The following LTA4H variants were observed in gnomAD, a reference collection of about 807,000 sequenced individuals.
LTA4H encodes the protein leukotriene A4 hydrolase.
Under a neutral mutation model 89.8 loss-of-function variants are expected in LTA4H, and 59 were observed. That is an observed-to-expected ratio of 0.66 (90% confidence interval 0.53 to 0.82). The LOEUF is 0.82. Among genes scored for constraint, LTA4H ranks in the 40% least tolerant of loss-of-function variants. LTA4H has a pLI of 0.00. For synonymous variants in LTA4H, 227 were observed against 253.1 expected (o/e 0.90, Z 0.98); for missense variants, 617 against 727.0 (o/e 0.85, Z 1.74).
chr12:96,002,532 T>C (rs553002646), intron 18 of LTA4H, among the ~76,000 whole-genome samples: 28 of 152,338 alleles, frequency 1.8e-4, no homozygotes, highest in African/African-American at 6.3e-4. Context: ...TAAGCATTCC[T>C]TTATTATGTC....
At chr12:96,015,938 G>C (rs1321876912) in intron 10 of LTA4H, among the ~76,000 whole-genome samples, 1 of 152,174 alleles carries the variant, frequency 6.6e-6, no homozygotes, top group African/African-American at 2.4e-5. Context: ...TTAAAAGTGG[G>C]AGTATATCAG....
chr12:96,037,491 T>C (rs1435049512), upstream of LTA4H, among the ~76,000 whole-genome samples: 1 of 152,154 alleles, frequency 6.6e-6, no homozygotes, highest in East Asian at 1.9e-4. Flanking sequence ...GAAAATTCTC[T>C]AGATTTGGCA....
At chr12:96,014,382 AAAAC>A in intron 12 of LTA4H, 1 of 157,368 alleles carries the variant, frequency 6.4e-6, no homozygotes, top group Non-Finnish European at 1.4e-5. Context: ...CGAGCAAAAC[AAAAC>A]ACAAATGCAG....
intron 4 of LTA4H, among the ~76,000 whole-genome samples, chr12:96,023,906 CTTTT>C (rs1264318540): frequency 1.3e-5 from 2 of 151,544 alleles, no homozygotes; most frequent in Non-Finnish European, 2.9e-5. Flanking sequence ...TGAATTTCTT[CTTTT>C]TGTTTGTTTG....
chr12:96,005,651 A>C (rs1950186211), intron 16 of LTA4H, among the ~76,000 whole-genome samples: 1 of 152,122 alleles, frequency 6.6e-6, no homozygotes, highest in Admixed American at 6.5e-5. Context: ...AGTCTCCTCC[A>C]AAATTCCCTC....
intron 2 of LTA4H, among the ~76,000 whole-genome samples, chr12:96,028,437 T>C (rs1950536280): frequency 6.6e-6 from 1 of 152,148 alleles, no homozygotes; most frequent in Admixed American, 6.5e-5. Context: ...ATCACCCTTG[T>C]TCTAGGCCAA....
upstream of LTA4H, among the ~76,000 whole-genome samples, chr12:96,036,079 T>A (rs7304178): frequency 6.6e-6 from 1 of 152,064 alleles, no homozygotes; most frequent in African/African-American, 2.4e-5. Flanking sequence ...GGGGTTCGAT[T>A]CCCCGACGGG....
intron 17 of LTA4H, 53 bp from the exon 18 acceptor site, chr12:96,003,117 A>G: frequency 1.8e-6 from 2 of 1,123,426 alleles, no homozygotes; most frequent in Non-Finnish European, 2.6e-6. Flanking sequence ...AAGGGGCAGG[A>G]TATGACAGGT....
At chr12:96,004,028 T>C in intron 16 of LTA4H, 108 bp from the exon 17 acceptor site, 1 of 505,004 alleles carries the variant, frequency 2.0e-6, no homozygotes. Flanking sequence ...TATTTTATAA[T>C]ATAGAAATAA....
At chr12:96,026,121 T>A (rs1950510569) in intron 3 of LTA4H, among the ~76,000 whole-genome samples, 3 of 152,230 alleles carry the variant, frequency 2.0e-5, no homozygotes, top group Non-Finnish European at 4.4e-5. Flanking sequence ...TAAGTAGGAC[T>A]AGCAGAGCCA....
upstream of LTA4H, among the ~76,000 whole-genome samples, chr12:96,037,385 TA>T (rs1408888464): frequency 6.6e-6 from 1 of 152,122 alleles, no homozygotes; most frequent in African/African-American, 2.4e-5. Context: ...TTTATTGTTT[TA>T]AAAAGGGCTA....
intron 1 of LTA4H, among the ~76,000 whole-genome samples, chr12:96,043,090 C>T (rs1056500976): frequency 1.3e-5 from 2 of 152,208 alleles, no homozygotes; most frequent in African/African-American, 2.4e-5. Context: ...TCCACTTCTT[C>T]GCTTTTGTGT....
chr12:96,031,894 G>A (rs960821556), intron 1 of LTA4H, among the ~76,000 whole-genome samples: 1 of 152,066 alleles, frequency 6.6e-6, no homozygotes, highest in Non-Finnish European at 1.5e-5. Flanking sequence ...TCATTATGAT[G>A]TCTAAATTTA....
At position 96,034,064 on chromosome 12, in the gene LTA4H, G is replaced by A. The variant is rs375699749; in HGVS notation, c.159+1297C>T. On this transcript the variant is annotated intron_variant, in intron 1 of 18. Coordinates refer to ENST00000228740, the MANE Select transcript of LTA4H (RefSeq NM_000895.3). ...TGAGGGATGAAGAGTAAGAAAGTAAGTACTTATTAGTTCATATTAATGAAA... is the reference window on the plus strand; with the variant it reads ...TGAGGGATGAAGAGTAAGAAAGTAAATACTTATTAGTTCATATTAATGAAA... Among the ~76,000 whole-genome samples, 58 of 152,296 alleles carry A rather than the reference G, an allele frequency of 3.8e-4. 1 individual carries two copies. In the South Asian group the frequency reaches 7.5e-3, roughly 20 times the overall value.
intron 4 of LTA4H, among the ~76,000 whole-genome samples, chr12:96,023,906 CTTT>C (rs1264318540): frequency 4.0e-5 from 6 of 151,544 alleles, no homozygotes; most frequent in African/African-American, 1.5e-4. Flanking sequence ...TGAATTTCTT[CTTT>C]TTGTTTGTTT....
rs763515039 is a variant in LTA4H, at chr12:96,027,498, G to A, written c.357C>T (p.Leu119=). 6.2e-7 allele frequency: 1 copy of A among 1,611,782 alleles called. No homozygotes were observed. The highest frequency in any genetic ancestry group is 8.5e-7 in the Non-Finnish European group (1 of 1,178,362). The change falls in exon 3 of 19, where the codon CTC becomes CTT. Residue 119 remains leucine (L), a synonymous_variant. Transcript: ENST00000228740. ...TSPKSSALQW[L]TPEQTSGKEH... Reference sequence around the variant, plus strand: ...CCTTCCCAGAAGTCTGTTCAGGAGTGAGCCACTGGAGAGCAGAAGATTTTG... The same window carrying A: ...CCTTCCCAGAAGTCTGTTCAGGAGTAAGCCACTGGAGAGCAGAAGATTTTG...
chr12:96,043,454 C>A (rs1950704229), exon 1 of LTA4H: 2 of 893,626 alleles, frequency 2.2e-6, no homozygotes, highest in Non-Finnish European at 3.5e-6. Flanking sequence ...GCCCTCTTCC[C>A]TTGTTGCTTT....
chr12:96,015,180 C>T (rs1331571114), intron 11 of LTA4H, 181 bp from the exon 12 acceptor site: 2 of 523,324 alleles, frequency 3.8e-6, no homozygotes, highest in East Asian at 6.1e-5. Context: ...AGAATGCTTA[C>T]TTAAGTAATA....
At chr12:96,037,257 C>T (rs549888296), upstream of LTA4H, among the ~76,000 whole-genome samples, 10 of 152,190 alleles carry the variant, frequency 6.6e-5, no homozygotes, top group Non-Finnish European at 1.2e-4. Flanking sequence ...GCCAGGTAGA[C>T]ATGACCACGT....
Sources: allele counts gnomAD v4.1 joint callset (sites outside exome capture counted in the v4.1 genomes callset), GRCh38; gene constraint gnomAD v4.1.1; transcripts MANE v1.5; gene names NCBI Gene and HGNC (gene_info 2026-07-23, HGNC 2026-07-21).